The following TNR variants were observed in gnomAD, a reference collection of about 807,000 sequenced individuals.
TNR encodes the protein tenascin-R.
TNR carries 45 observed loss-of-function variants against 150.4 expected under a neutral mutation model. The observed-to-expected ratio is 0.30, with a 90% CI of 0.24 to 0.38. TNR has a LOEUF of 0.38. TNR is among the 10% of genes least tolerant of loss of function. The pLI is 1.00. For missense variants in TNR, 1,544 were observed against 1,759.1 expected (o/e 0.88, Z 2.19); for synonymous variants, 687 against 678.4 (o/e 1.01, Z -0.20).
rs376305450 is a variant in TNR, at chr1:175,386,098, C to T, written c.1711G>A (p.Glu571Lys). 14 of 1,612,496 alleles carry T rather than the reference C, an allele frequency of 8.7e-6. No homozygotes were observed. Among genetic ancestry groups the T allele is most frequent in the East Asian group, 2.2e-5 (1 of 44,814 alleles). ...VQALRPGSRYEVSVSAVRGTN... is the reference protein window; with the variant it reads ...VQALRPGSRYKVSVSAVRGTN... ...CCTCGGACGGCACTGACTGACACCT[C>T]GTATCGGGAGCCAGGCCGCAGGGCC... The change falls in exon 8 of 23, where the codon GAG becomes AAG. Residue 571 changes from glutamate to lysine, a missense_variant. Glu to Lys is a moderately conservative substitution (Grantham distance 56). Coordinates refer to ENST00000367674, the MANE Select transcript of TNR (RefSeq NM_003285.3).
intron 18 of TNR, among the ~76,000 whole-genome samples, chr1:175,346,137 G>A (rs1466948546): frequency 1.3e-5 from 2 of 152,090 alleles, no homozygotes; most frequent in East Asian, 1.9e-4. Context: ...ATGAAATTAC[G>A]GAAGGTTTGC....
chr1:175,452,430 A>G (rs1483083843), intron 2 of TNR, among the ~76,000 whole-genome samples: 1 of 152,240 alleles, frequency 6.6e-6, no homozygotes, highest in East Asian at 1.9e-4. Flanking sequence ...GGCTGCTGCA[A>G]CCCAGGTGGA....
chr1:175,549,183 T>C (rs909778630), intron 1 of TNR, among the ~76,000 whole-genome samples: 7 of 152,148 alleles, frequency 4.6e-5, no homozygotes, highest in African/African-American at 1.7e-4. Context: ...TTTGGGTCCT[T>C]AGGTACATGA....
chr1:175,726,755 A>G (rs1472482682), intron 1 of TNR, among the ~76,000 whole-genome samples: 14 of 152,278 alleles, frequency 9.2e-5, no homozygotes, highest in Admixed American at 9.2e-4. Context: ...AAATTATTGC[A>G]AAGACTGAGT....
chr1:175,329,950 T>TAG (rs1486958903), intron 21 of TNR, 124 bp downstream of exon 21: 7 of 1,125,296 alleles, frequency 6.2e-6, no homozygotes, highest in African/African-American at 1.6e-5. Flanking sequence ...TTCTTCTCCC[T>TAG]GGCCAGCAGC....
chr1:175,502,335 C>T (rs544421597), intron 2 of TNR, among the ~76,000 whole-genome samples: 2 of 152,302 alleles, frequency 1.3e-5, no homozygotes, highest in African/African-American at 4.8e-5. Flanking sequence ...ATTGAACCCC[C>T]ATGCAGGGAA....
At chr1:175,616,303 C>T (rs1423083799) in intron 1 of TNR, among the ~76,000 whole-genome samples, 1 of 152,186 alleles carries the variant, frequency 6.6e-6, no homozygotes, top group African/African-American at 2.4e-5. Context: ...TGGGATGTCC[C>T]CCACCTGCCT....
chr1:175,434,021 C>T (rs530343950), intron 2 of TNR, among the ~76,000 whole-genome samples: 4 of 152,152 alleles, frequency 2.6e-5, no homozygotes, highest in Non-Finnish European at 4.4e-5. Context: ...TTGTGTGAGG[C>T]CCCATGACAT....
At position 175,362,715 on chromosome 1, in the gene TNR, G is replaced by T. The variant is rs755471029; in HGVS notation, c.2802C>A (p.Asn934Lys). ...CGCTTTCCTCCCTGCCCCGCACGCT[G>T]TTGAGGCTGATTTCGTATTCGGTAG... The part of the protein sequence containing the change: ...NPATEYEISL[N>K]SVRGREESER... Residue 934 changes from asparagine to lysine, a missense_variant, in exon 14 of 23, where the codon AAC becomes AAA. By Grantham distance (94) the Asn-to-Lys change is moderately conservative. Coordinates refer to ENST00000367674, the MANE Select transcript of TNR (RefSeq NM_003285.3). 6.2e-7 allele frequency: 1 copy of T among 1,614,126 alleles called. No individual in the cohort carries two copies.
chr1:175,550,856 A>G (rs1660911177), intron 1 of TNR, among the ~76,000 whole-genome samples: 2 of 152,168 alleles, frequency 1.3e-5, no homozygotes, highest in African/African-American at 2.4e-5. Flanking sequence ...GGACACATTC[A>G]GAAAACAAGA....
At chr1:175,444,435 AG>A (rs954990977) in intron 2 of TNR, among the ~76,000 whole-genome samples, 1 of 152,230 alleles carries the variant, frequency 6.6e-6, no homozygotes, top group Admixed American at 6.5e-5. Flanking sequence ...TGACAGGTAC[AG>A]GAAGTGTGGC....
intron 2 of TNR, among the ~76,000 whole-genome samples, chr1:175,442,560 GC>G (rs1328166838): frequency 2.0e-5 from 3 of 151,688 alleles, no homozygotes; most frequent in Non-Finnish European, 4.4e-5. Context: ...GCATTTGGAA[GC>G]CCCAAACCAT....
chr1:175,653,287 C>A (rs140208594), intron 1 of TNR, among the ~76,000 whole-genome samples: 26 of 152,260 alleles, frequency 1.7e-4, no homozygotes, highest in African/African-American at 6.3e-4. Flanking sequence ...TAAAACGTAG[C>A]CAACGCATAG....
At chr1:175,684,694 C>G (rs1025240809) in intron 1 of TNR, among the ~76,000 whole-genome samples, 88 of 152,322 alleles carry the variant, frequency 5.8e-4, no homozygotes, top group African/African-American at 2.0e-3. Flanking sequence ...TGAATACCTT[C>G]TCTGTCAAAT....
chr1:175,678,000 T>C (rs1234516537), intron 1 of TNR, among the ~76,000 whole-genome samples: 1 of 151,130 alleles, frequency 6.6e-6, no homozygotes, highest in African/African-American at 2.4e-5. Context: ...CACTGTCAAA[T>C]GTTCATTCTG....
intron 8 of TNR, 117 bp downstream of exon 8, chr1:175,385,915 G>T: frequency 8.2e-7 from 1 of 1,224,042 alleles, no homozygotes; most frequent in Non-Finnish European, 1.1e-6. Context: ...CTATGACAAG[G>T]CCAATGCTCT....
At chr1:175,538,937 T>C (rs1187967899) in intron 1 of TNR, 2 of 152,292 alleles carry the variant, frequency 1.3e-5, no homozygotes, top group Non-Finnish European at 2.9e-5. Flanking sequence ...TCCCAAGTGG[T>C]GGATTTTCAG....
intron 1 of TNR, among the ~76,000 whole-genome samples, chr1:175,651,039 TA>T (rs1472828135): frequency 1.6e-5 from 1 of 61,424 alleles, no homozygotes; most frequent in Non-Finnish European, 3.0e-5. Flanking sequence ...ACCTCATTAC[TA>T]CCCCTCCCCA....
intron 1 of TNR, among the ~76,000 whole-genome samples, chr1:175,663,292 C>G (rs73033389): frequency 0.011 from 1,668 of 152,238 alleles, 28 homozygotes; most frequent in African/African-American, 0.038. Context: ...CCAGTCAGGC[C>G]GGGTCACTGC....
Sources: gnomAD v4.1 joint callset for allele counts (sites outside exome capture counted in the v4.1 genomes callset) on GRCh38, gnomAD v4.1.1 for gene constraint, MANE v1.5 for transcripts, NCBI Gene and HGNC (gene_info 2026-07-23, HGNC 2026-07-21) for gene names.